MYLK: variants seen among roughly 807,000 people sequenced by gnomAD.
MYLK encodes myosin light chain kinase, smooth muscle.
A neutral mutation model predicts 203.4 loss-of-function variants in MYLK; 106 were observed. The ratio of observed to expected loss-of-function variants is 0.52; its 90% CI spans 0.45 to 0.61. The LOEUF (loss-of-function observed/expected upper bound fraction) is 0.61. Among genes scored for constraint, MYLK ranks in the 20% least tolerant of loss-of-function variants. The probability of loss-of-function intolerance (pLI) is 0.00; values close to 1 mark genes in which losing one functional copy is unlikely to be tolerated. For missense variants in MYLK, 2,072 were observed against 2,442.3 expected, an observed-to-expected ratio of 0.85 and a Z score of 3.20; for synonymous variants, 867 against 959.5, an observed-to-expected ratio of 0.90 and a Z score of 1.78.
chr3:123,701,124 G>T, intron 17 of MYLK, 119 bp from the exon 18 acceptor site: 1 of 1,317,304 alleles, frequency 7.6e-7, no homozygotes, highest in South Asian at 1.3e-5. Context: ...GGGAGGGGAT[G>T]GGGGAGGCCG....
At position 123,660,428 on chromosome 3, in the gene MYLK, G is replaced by C. The variant is rs115818231; in HGVS notation, c.3986-3000C>G. Among the ~76,000 whole-genome samples the C allele has an allele frequency of 5.0e-3, 759 of 152,228 alleles. 10 individuals are homozygous for C. The highest frequency in any genetic ancestry group is 0.016 in the African/African-American group (681 of 41,518). ...GACCTGCTTTTCTCGTGCTGGGTGA[G>C]TGACCTTAAGGAATCCATCTGGGTA... On this transcript the variant is annotated intron_variant, in intron 23 of 33. Transcript: ENST00000360304.
At chr3:123,738,606 G>A (rs1463115218) in intron 7 of MYLK, among the ~76,000 whole-genome samples, 1 of 152,168 alleles carries the variant, frequency 6.6e-6, no homozygotes, top group African/African-American at 2.4e-5. Context: ...CTGAATCATA[G>A]GGTGGGTTTT....
chr3:123,686,486 G>T (rs1274488771), intron 19 of MYLK, among the ~76,000 whole-genome samples: 1 of 152,082 alleles, frequency 6.6e-6, no homozygotes, highest in Non-Finnish European at 1.5e-5. Flanking sequence ...GGCCCCCAGT[G>T]GGGCAGGGCA....
In MYLK at chr3:123,713,579, A is replaced by ATGTATG. The variant is rs1263696728; in HGVS notation, c.1805-3687_1805-3686insCATACA. Reference sequence around the variant, plus strand: ...CAAGCCAGGTGAAAAGAGCAACACAATGTGTGTGTGTGTGTGTGTGTGTGT... The same window carrying ATGTATG: ...CAAGCCAGGTGAAAAGAGCAACACAATGTATGTGTGTGTGTGTGTGTGTGTGTGTGT... On this transcript the variant is annotated intron_variant, in intron 13 of 33. Transcript: ENST00000360304. Among the ~76,000 whole-genome samples, 82 of 136,478 alleles carry ATGTATG rather than the reference A, an allele frequency of 6.0e-4. No individual in the cohort carries two copies. The South Asian group carries it at 9.9e-3, about 16-fold the overall frequency. 89.5% of individuals were successfully genotyped at this position (136,478 alleles called of 152,430 possible). A position where few individuals can be genotyped will look rare whatever the true frequency, so the allele number is the denominator to read the frequency against.
intron 5 of MYLK, among the ~76,000 whole-genome samples, chr3:123,749,125 A>T (rs1039272523): frequency 2.0e-5 from 3 of 151,896 alleles, no homozygotes; most frequent in Non-Finnish European, 4.4e-5. Flanking sequence ...ATACAAATAC[A>T]TAAATTAGCT....
At chr3:123,822,635 C>T (rs1055910470) in intron 3 of MYLK, among the ~76,000 whole-genome samples, 3 of 152,208 alleles carry the variant, frequency 2.0e-5, no homozygotes, top group South Asian at 2.1e-4. Flanking sequence ...TCTATGACCA[C>T]GTTTGTGGGG....
At chr3:123,779,112 G>A (rs2064191027) in intron 4 of MYLK, among the ~76,000 whole-genome samples, 1 of 152,170 alleles carries the variant, frequency 6.6e-6, no homozygotes, top group South Asian at 2.1e-4. Flanking sequence ...GCGCCAGTCT[G>A]CTCCAGAAAC....
intron 2 of MYLK, among the ~76,000 whole-genome samples, chr3:123,855,762 C>T (rs2148676165): frequency 6.6e-6 from 1 of 152,198 alleles, no homozygotes; most frequent in African/African-American, 2.4e-5. Context: ...CATCACTTTG[C>T]CAAAGCCTCT....
intron 2 of MYLK, among the ~76,000 whole-genome samples, chr3:123,874,066 A>G (rs576342795): frequency 6.6e-6 from 1 of 152,282 alleles, no homozygotes; most frequent in South Asian, 2.1e-4. Context: ...TAAGATGTCA[A>G]TTCTCTCCAA....
intron 2 of MYLK, among the ~76,000 whole-genome samples, chr3:123,853,742 TAAGAC>T (rs1480624494): frequency 1.3e-5 from 2 of 152,098 alleles, no homozygotes; most frequent in Non-Finnish European, 2.9e-5. Flanking sequence ...ATGCTATAAA[TAAGAC>T]AGAGAGCTTA....
chr3:123,701,106 A>C, intron 17 of MYLK, 101 bp from the exon 18 acceptor site: 3 of 629,870 alleles, frequency 4.8e-6, no homozygotes, highest in East Asian at 5.2e-5. Flanking sequence ...GGGAGGGTAG[A>C]GGGGAGCGGG....
intron 11 of MYLK, among the ~76,000 whole-genome samples, chr3:123,728,989 CA>C (rs1386111297): frequency 2.0e-5 from 3 of 151,980 alleles, no homozygotes; most frequent in Admixed American, 2.0e-4. Flanking sequence ...AGAGCCTGAC[CA>C]AAAAACTTCA....
chr3:123,839,471 T>C (rs1382995899), intron 2 of MYLK, among the ~76,000 whole-genome samples: 1 of 152,132 alleles, frequency 6.6e-6, no homozygotes, highest in Non-Finnish European at 1.5e-5. Flanking sequence ...AAGAGAGTAA[T>C]TTCATAATGA....
intron 3 of MYLK, among the ~76,000 whole-genome samples, chr3:123,824,262 G>A (rs2066037819): frequency 6.6e-6 from 1 of 151,980 alleles, no homozygotes; most frequent in Admixed American, 6.6e-5. Context: ...GCTAATTTTT[G>A]TATTTTGAGT....
intron 31 of MYLK, among the ~76,000 whole-genome samples, chr3:123,626,230 C>A (rs558567135): frequency 6.6e-6 from 1 of 152,326 alleles, no homozygotes; most frequent in South Asian, 2.1e-4. Context: ...CTAAAGGCCA[C>A]ATGAGGATGA....
At chr3:123,745,725 C>T (rs2062994182) in intron 5 of MYLK, among the ~76,000 whole-genome samples, 1 of 152,012 alleles carries the variant, frequency 6.6e-6, no homozygotes, top group Non-Finnish European at 1.5e-5. Context: ...TGGCTCAGGC[C>T]CTGTGCTAGG....
At chr3:123,666,167 C>T in intron 22 of MYLK, 52 bp downstream of exon 22, 1 of 1,614,098 alleles carries the variant, frequency 6.2e-7, no homozygotes. Context: ...GGTCCAAAGG[C>T]TGTACGGATT....
At chr3:123,708,119 G>C (rs1276576220) in intron 15 of MYLK, 116 bp from the exon 16 acceptor site, 105 of 1,446,124 alleles carry the variant, frequency 7.3e-5, no homozygotes, top group Non-Finnish European at 9.8e-5. Context: ...GTAACAGATT[G>C]TCCAGAAATC....
At chr3:123,831,264 A>C (rs2605418) in intron 3 of MYLK, 133,273 of 766,356 alleles carry the variant, frequency 0.17, 12,324 homozygotes, top group South Asian at 0.22. Flanking sequence ...AGCCAGGGCA[A>C]CCCGCAGGCC....
Sources: gnomAD v4.1 joint callset for allele counts (sites outside exome capture counted in the v4.1 genomes callset) on GRCh38, gnomAD v4.1.1 for gene constraint, MANE v1.5 for transcripts, NCBI Gene and HGNC (gene_info 2026-07-23, HGNC 2026-07-21) for gene names.